The following CCNDBP1 variants were observed in gnomAD, a reference collection of about 807,000 sequenced individuals.
CCNDBP1 encodes the protein cyclin D1 binding protein 1.
Under a neutral mutation model 46.2 loss-of-function variants are expected in CCNDBP1, and 45 were observed. That is an observed-to-expected ratio of 0.97 (90% CI 0.77 to 1.25). The LOEUF (loss-of-function observed/expected upper bound fraction) is 1.25. Among genes scored for constraint, CCNDBP1 ranks in the 50% most tolerant of loss-of-function variants. The pLI, the probability that CCNDBP1 is intolerant of heterozygous loss-of-function variation, is 0.00. For missense variants in CCNDBP1, 436 were observed against 442.1 expected (o/e 0.99, Z 0.12); for synonymous variants, 154 against 163.6 (o/e 0.94, Z 0.45).
intron 5 of CCNDBP1, 71 bp downstream of exon 5, chr15:43,190,222 C>G (rs1182272064): frequency 1.3e-6 from 2 of 1,589,084 alleles, no homozygotes; most frequent in African/African-American, 1.3e-5. Context: ...CTCATTTTAA[C>G]AGCAAAGTTA....
chr15:43,186,222 C>T lies in CCNDBP1; in HGVS notation c.238C>T (p.Pro80Ser). Residue 80 changes from proline to serine, a missense_variant, in exon 3 of 11, where the codon CCG becomes TCG. Transcript: ENST00000300213. ...CATAGTCTTCTCTCAGCTTCCACTG[C>T]CGTCTCCACAGGTGGGCTTCACTTT... ...LTIVFSQLPL[P>S]SPQETQKFCE... The T allele has an allele frequency of 6.2e-7, 1 of 1,613,746 alleles. No individual in the cohort carries two copies. The highest frequency in any genetic ancestry group is 8.5e-7 in the Non-Finnish European group (1 of 1,179,640).
At chr15:43,186,688 TA>T (rs200081027) in intron 3 of CCNDBP1, among the ~76,000 whole-genome samples, 2,060 of 152,340 alleles carry the variant, frequency 0.014, 40 homozygotes, top group African/African-American at 0.047. Context: ...ATTTAATCAG[TA>T]ACATATGTAG....
At position 43,197,025 on chromosome 15, in the gene CCNDBP1, AC is replaced by A; in HGVS notation, c.*2188del. 2 of 440,664 alleles carry A rather than the reference AC, an allele frequency of 4.5e-6. No homozygotes were observed. Among genetic ancestry groups the A allele is most frequent in the Non-Finnish European group, 4.2e-6 (1 of 237,786 alleles). The allele number at this position is 440,664 out of a possible 1,614,324, so 27.3% of individuals were successfully genotyped here. A position where few individuals can be genotyped will look rare whatever the true frequency, so the allele number is the denominator to read the frequency against. On this transcript the variant is annotated 3_prime_UTR_variant, in exon 11 of 11. Coordinates refer to ENST00000300213, the MANE Select transcript of CCNDBP1 (RefSeq NM_012142.5). ...AAAACGAGGCTGGCACCTGGCACTT[AC>A]CCCTACCCCTCAACCCATTCTTGCC...
In CCNDBP1 at chr15:43,189,997, A is replaced by G. The variant is rs1039719359; in HGVS notation, c.332-58A>G. 6 of 1,427,800 alleles carry G rather than the reference A, an allele frequency of 4.2e-6. No individual in the cohort carries two copies. The East Asian group carries it at 9.1e-5, about 22-fold the overall frequency. 88.4% of individuals were successfully genotyped at this position (1,427,800 alleles called of 1,614,324 possible). A position where few individuals can be genotyped will look rare whatever the true frequency, so the allele number is the denominator to read the frequency against. On this transcript the variant is annotated intron_variant, in intron 4 of 10. Coordinates refer to ENST00000300213, the MANE Select transcript of CCNDBP1 (RefSeq NM_012142.5). Reference sequence around the variant, plus strand: ...GTTCTGTAATGCTTAGACTCAGGAAAGCAGATGGTGCTTCTGAAAAGAACA... The same window carrying G: ...GTTCTGTAATGCTTAGACTCAGGAAGGCAGATGGTGCTTCTGAAAAGAACA...
chr15:43,190,538 G>C, intron 6 of CCNDBP1, 140 bp downstream of exon 6: 1 of 626,632 alleles, frequency 1.6e-6, no homozygotes, highest in Non-Finnish European at 2.7e-6. Context: ...GAAATTAATA[G>C]GTAGGTATTA....
In CCNDBP1 at chr15:43,190,253, C is replaced by T. The variant is rs992458205; in HGVS notation, c.429-72C>T. The T allele has an allele frequency of 5.0e-6, 8 of 1,585,022 alleles. No individual in the cohort carries two copies. In the Admixed American group the frequency reaches 1.3e-4, roughly 27 times the overall value. ...AGTTACTGACAGCTGAGAGTAATGA[C>T]CAGCAGGAAGAAGCTTTTTAGGAGA... is the stretch of plus-strand genomic sequence containing the variant. On this transcript the variant is annotated intron_variant, in intron 5 of 10. Coordinates refer to ENST00000300213, the MANE Select transcript of CCNDBP1 (RefSeq NM_012142.5).
At position 43,194,732 on chromosome 15, in the gene CCNDBP1, G is replaced by C. The variant is rs2042016865; in HGVS notation, c.974G>C (p.Ser325Thr). The C allele has an allele frequency of 6.2e-7, 1 of 1,604,304 alleles. No individual in the cohort carries two copies. Among genetic ancestry groups the C allele is most frequent in the Admixed American group, 1.7e-5 (1 of 59,998 alleles). ...LKKALEITKA[S>T]HVTPQPEDSW... ...CTTTCCTATTCTATTCACAGAGCAA[G>C]TCATGTGACCCCTCAGCCAGAAGAT... is the stretch of plus-strand genomic sequence containing the variant. Residue 325 changes from serine (S) to threonine (T), a missense_variant, in exon 11 of 11, where the codon AGT becomes ACT. Physicochemically the swap from Ser to Thr is moderately conservative, Grantham distance 58. Transcript: ENST00000300213.
At chr15:43,193,825 AT>A (rs1318622424) in intron 9 of CCNDBP1, among the ~76,000 whole-genome samples, 1 of 152,122 alleles carries the variant, frequency 6.6e-6, no homozygotes, top group Admixed American at 6.5e-5. Context: ...GTAGAATAGG[AT>A]CCTTTTGGGC....
intron 9 of CCNDBP1, chr15:43,194,052 T>C (rs778890737): frequency 6.3e-6 from 2 of 319,504 alleles, no homozygotes; most frequent in Non-Finnish European, 5.7e-6. Context: ...TGCGCTTTTT[T>C]TTTTTTTTTT....
chr15:43,193,473 C>G (rs1368907197), intron 9 of CCNDBP1: 1 of 150,976 alleles, frequency 6.6e-6, no homozygotes, highest in African/African-American at 2.4e-5. Context: ...TGAACTTCAG[C>G]TGTTCATGAA....
At position 43,196,938 on chromosome 15, in the gene CCNDBP1, T is replaced by C. The variant is rs2042044777; in HGVS notation, c.*2097T>C. ...TCCCTCATGAATGGCTTCGTTCCATTGGTGGGGTAATGAGTAAGTTCTCGC... is the reference window on the plus strand; with the variant it reads ...TCCCTCATGAATGGCTTCGTTCCATCGGTGGGGTAATGAGTAAGTTCTCGC... On this transcript the variant is annotated 3_prime_UTR_variant, in exon 11 of 11. Coordinates refer to ENST00000300213, the MANE Select transcript of CCNDBP1 (RefSeq NM_012142.5). The C allele has an allele frequency of 3.0e-6, 1 of 331,030 alleles. No homozygotes were observed. The highest frequency in any genetic ancestry group is 5.9e-6 in the Non-Finnish European group (1 of 170,058). The allele number at this position is 331,030 out of a possible 1,614,324, so 20.5% of individuals were successfully genotyped here.
chr15:43,190,267 C>A lies in CCNDBP1; in HGVS notation c.429-58C>A, dbSNP rs542505083. 6.3e-5 allele frequency: 101 copies of A among 1,599,332 alleles called. No individual in the cohort carries two copies. The Admixed American group carries it at 1.7e-3, about 26-fold the overall frequency. On this transcript the variant is annotated intron_variant, in intron 5 of 10. Coordinates refer to ENST00000300213, the MANE Select transcript of CCNDBP1 (RefSeq NM_012142.5). ...GAGAGTAATGACCAGCAGGAAGAAG[C>A]TTTTTAGGAGACAGGAACCTAGGTT...
chr15:43,189,415 T>C, intron 4 of CCNDBP1, 135 bp downstream of exon 4: 1 of 558,940 alleles, frequency 1.8e-6, no homozygotes, highest in Admixed American at 3.6e-5. Flanking sequence ...AATTTTGTAA[T>C]GTAAGTGACT....
chr15:43,187,604 G>T (rs1179361308), intron 3 of CCNDBP1, among the ~76,000 whole-genome samples: 1 of 152,058 alleles, frequency 6.6e-6, no homozygotes, highest in African/African-American at 2.4e-5. Context: ...AACAAGAGAT[G>T]AATTGTATGA....
chr15:43,185,888 G>C lies in CCNDBP1; in HGVS notation c.169+9G>C, dbSNP rs1320869757. 6.2e-7 allele frequency: 1 copy of C among 1,608,252 alleles called. No homozygotes were observed. Among genetic ancestry groups the C allele is most frequent in the South Asian group, 1.1e-5 (1 of 90,520 alleles). Reference sequence around the variant, plus strand: ...GTTCTGGAGAAGACTCAGTGAGTGCGCCTCCTTCCGGGCTCCCCTTGCCTC... The same window carrying C: ...GTTCTGGAGAAGACTCAGTGAGTGCCCCTCCTTCCGGGCTCCCCTTGCCTC... On this transcript the variant is annotated intron_variant, in intron 2 of 10. Coordinates refer to ENST00000300213, the MANE Select transcript of CCNDBP1 (RefSeq NM_012142.5).
chr15:43,190,118 T>G lies in CCNDBP1; in HGVS notation c.395T>G (p.Leu132Arg). ...GACATCGTGGATGGCATGGCTCAGC[T>G]CATGGAAGTACTTTCCGTCACTCCA... is the stretch of plus-strand genomic sequence containing the variant. ...TLDIVDGMAQ[L>R]MEVLSVTPTQ... The change falls in exon 5 of 11, where the codon CTC becomes CGC. Residue 132 changes from leucine (L) to arginine (R), a missense_variant. By Grantham distance (102) the Leu-to-Arg change is moderately radical. Transcript: ENST00000300213. 2 of 1,614,142 alleles carry G rather than the reference T, an allele frequency of 1.2e-6. No homozygotes were observed. Among genetic ancestry groups the G allele is most frequent in the Non-Finnish European group, 1.7e-6 (2 of 1,180,024 alleles).
At chr15:43,189,077 CA>C (rs763476042) in intron 3 of CCNDBP1, 121 bp from the exon 4 acceptor site, 2,620 of 151,204 alleles carry the variant, frequency 0.017, 42 homozygotes, top group African/African-American at 0.13. Context: ...GACTCTGTCT[CA>C]AAAAAAAAAA....
At chr15:43,187,938 T>C (rs1156426479) in intron 3 of CCNDBP1, among the ~76,000 whole-genome samples, 2 of 152,156 alleles carry the variant, frequency 1.3e-5, no homozygotes, top group Admixed American at 6.5e-5. Flanking sequence ...TGAATCATCA[T>C]TGCCTTCTTG....
chr15:43,188,284 G>A (rs896593539), intron 3 of CCNDBP1, among the ~76,000 whole-genome samples: 3 of 151,904 alleles, frequency 2.0e-5, no homozygotes, highest in African/African-American at 2.4e-5. Context: ...GAGCATTGTC[G>A]AGTCCATGCT....
Sources: allele counts gnomAD v4.1 joint callset (sites outside exome capture counted in the v4.1 genomes callset), GRCh38; gene constraint gnomAD v4.1.1; transcripts MANE v1.5; gene names NCBI Gene and HGNC (gene_info 2026-07-23, HGNC 2026-07-21).